TBC1D5: variants seen among roughly 807,000 people sequenced by gnomAD.
The protein encoded by TBC1D5 is TBC1 domain family, member 5.
In TBC1D5, 75 loss-of-function variants were observed where a neutral mutation model predicts 100.3. That is an observed-to-expected ratio of 0.75 (90% confidence interval 0.62 to 0.91). TBC1D5 has a LOEUF of 0.91. Ranked by LOEUF, TBC1D5 falls within the 40% of genes least tolerant of loss-of-function variation. The probability of loss-of-function intolerance (pLI) is 0.00; values close to 1 mark genes in which losing one functional copy is unlikely to be tolerated. For missense variants in TBC1D5, 910 were observed against 942.4 expected, an observed-to-expected ratio of 0.97 and a Z score of 0.45; for synonymous variants, 323 against 325.6, an observed-to-expected ratio of 0.99 and a Z score of 0.09.
intron 17 of TBC1D5, among the ~76,000 whole-genome samples, chr3:17,225,141 T>C (rs960279335): frequency 1.3e-5 from 2 of 151,928 alleles, no homozygotes; most frequent in African/African-American, 2.4e-5. Context: ...TACAAAAATA[T>C]ACATATAAAA....
At chr3:17,276,097 C>G (rs965207397) in intron 15 of TBC1D5, among the ~76,000 whole-genome samples, 1 of 152,112 alleles carries the variant, frequency 6.6e-6, no homozygotes. Flanking sequence ...GGCTTATAAA[C>G]AGAACAAATT....
At chr3:17,725,101 GTCTA>G (rs2076016057) in intron 1 of TBC1D5, among the ~76,000 whole-genome samples, 1 of 152,010 alleles carries the variant, frequency 6.6e-6, no homozygotes, top group African/African-American at 2.4e-5. Flanking sequence ...GTTTTTAAGG[GTCTA>G]TTTCTGTCGT....
intron 19 of TBC1D5, among the ~76,000 whole-genome samples, chr3:17,175,783 GT>G (rs1237227320): frequency 1.3e-5 from 2 of 152,184 alleles, no homozygotes; most frequent in South Asian, 2.1e-4. Flanking sequence ...GGCCATAAAG[GT>G]TTTGCTGACA....
At chr3:17,737,108 T>TA (rs982296893) in intron 1 of TBC1D5, among the ~76,000 whole-genome samples, 1 of 152,138 alleles carries the variant, frequency 6.6e-6, no homozygotes, top group African/African-American at 2.4e-5. Flanking sequence ...ACAGAATGCA[T>TA]ACCTCTGCAG....
rs1049675444 is a variant in TBC1D5 at position 17,485,588 on chromosome 3, G to A, written c.97+22886C>T. Among the ~76,000 whole-genome samples, 9 of 149,780 alleles carry A rather than the reference G, an allele frequency of 6.0e-5. 1 individual carries two copies. The highest frequency in any genetic ancestry group is 4.2e-4 in the South Asian group (2 of 4,744). ...TTCCCATCTATGAGTGAGAACATGCGGTGTTTGGTTTTTTGTCCTTGCAAT... is the reference window on the plus strand; with the variant it reads ...TTCCCATCTATGAGTGAGAACATGCAGTGTTTGGTTTTTTGTCCTTGCAAT... On this transcript the variant is annotated intron_variant, in intron 3 of 21. Coordinates refer to ENST00000253692, the Ensembl canonical transcript of TBC1D5.
chr3:17,283,950 C>T (rs922551304), intron 15 of TBC1D5, among the ~76,000 whole-genome samples: 4 of 152,028 alleles, frequency 2.6e-5, no homozygotes, highest in African/African-American at 7.2e-5. Flanking sequence ...TGGAGGTTCT[C>T]GTCTCTATTC....
chr3:17,264,294 GTAAT>G (rs2078639915), intron 15 of TBC1D5, among the ~76,000 whole-genome samples: 1 of 151,782 alleles, frequency 6.6e-6, no homozygotes, highest in Admixed American at 6.6e-5. Context: ...TCCAACAAAG[GTAAT>G]TACAAACAGT....
chr3:17,280,678 G>A (rs900426659), intron 15 of TBC1D5, among the ~76,000 whole-genome samples: 4 of 152,156 alleles, frequency 2.6e-5, no homozygotes, highest in African/African-American at 9.7e-5. Context: ...CCCACTGAGA[G>A]CCACTTTCAT....
intron 1 of TBC1D5, among the ~76,000 whole-genome samples, chr3:17,734,469 T>C (rs2076807263): frequency 6.6e-6 from 1 of 152,100 alleles, no homozygotes. Flanking sequence ...AAACATGTTC[T>C]AGAATAACTG....
intron 14 of TBC1D5, among the ~76,000 whole-genome samples, chr3:17,301,049 C>G (rs951743964): frequency 5.0e-5 from 6 of 119,406 alleles, no homozygotes; most frequent in African/African-American, 1.9e-4. Flanking sequence ...GTCTGTGTAA[C>G]AAGAGTAAAA....
At chr3:17,463,916 C>T (rs1446589038) in intron 3 of TBC1D5, among the ~76,000 whole-genome samples, 2 of 150,414 alleles carry the variant, frequency 1.3e-5, no homozygotes, top group Non-Finnish European at 3.0e-5. Context: ...TTCTCACGTT[C>T]CCAATCAATA....
At chr3:17,273,764 G>A (rs1367824067) in intron 15 of TBC1D5, among the ~76,000 whole-genome samples, 3 of 145,392 alleles carry the variant, frequency 2.1e-5, no homozygotes, top group African/African-American at 5.2e-5. Flanking sequence ...CTGAGATCGC[G>A]CCACTGCACT....
intron 3 of TBC1D5, among the ~76,000 whole-genome samples, chr3:17,466,156 G>A (rs1187040946): frequency 6.6e-6 from 1 of 152,168 alleles, no homozygotes; most frequent in Non-Finnish European, 1.5e-5. Context: ...TCTGCCTAGA[G>A]ATACCGCTAT....
chr3:17,238,328 G>C (rs757762085), exon 17 of TBC1D5: 10 of 1,613,860 alleles, frequency 6.2e-6, no homozygotes, highest in Non-Finnish European at 8.5e-6. Flanking sequence ...GCACTGCCTG[G>C]AGCCATTGCT....
At chr3:17,505,355 C>T (rs1444410396) in intron 3 of TBC1D5, among the ~76,000 whole-genome samples, 2 of 152,076 alleles carry the variant, frequency 1.3e-5, no homozygotes, top group African/African-American at 4.8e-5. Context: ...ATACCTCCTC[C>T]CCCTTTGCCT....
At position 17,230,358 on chromosome 3, in the gene TBC1D5, C is replaced by CCA. The variant is rs2075306713; in HGVS notation, c.1588+7803_1588+7804dup. 2.6e-5 allele frequency among the ~76,000 whole-genome samples: 4 copies of CCA among 152,210 alleles called. No individual in the cohort carries two copies. The South Asian group carries it at 8.3e-4, about 32-fold the overall frequency. On this transcript the variant is annotated intron_variant, in intron 17 of 21. Coordinates refer to ENST00000253692, the Ensembl canonical transcript of TBC1D5. ...AGCTCTTACCACATTAATGTGACTCCCACATTATGCCTCAATTTAATATAT... is the reference window on the plus strand; with the variant it reads ...AGCTCTTACCACATTAATGTGACTCCCACACATTATGCCTCAATTTAATATAT...
At chr3:17,162,236 G>A (rs2066134064) in intron 21 of TBC1D5, among the ~76,000 whole-genome samples, 1 of 152,194 alleles carries the variant, frequency 6.6e-6, no homozygotes, top group Non-Finnish European at 1.5e-5. Flanking sequence ...GGGGTCTCAA[G>A]TCTAATGAGA....
intron 2 of TBC1D5, among the ~76,000 whole-genome samples, chr3:17,509,280 C>T (rs1250676335): frequency 6.6e-6 from 1 of 151,790 alleles, no homozygotes; most frequent in Non-Finnish European, 1.5e-5. Context: ...AACATGTTTT[C>T]AGTTGTTCAA....
At chr3:17,377,098 T>C (rs2152110790) in intron 9 of TBC1D5, among the ~76,000 whole-genome samples, 1 of 152,214 alleles carries the variant, frequency 6.6e-6, no homozygotes, top group East Asian at 1.9e-4. Flanking sequence ...GTCAGCTAGC[T>C]AAAATGTTGG....
Sources: gnomAD v4.1 joint callset for allele counts (sites outside exome capture counted in the v4.1 genomes callset) on GRCh38, gnomAD v4.1.1 for gene constraint, MANE v1.5 for transcripts, NCBI Gene and HGNC (gene_info 2026-07-23, HGNC 2026-07-21) for gene names.